Variants in DTNB observed in about 807,000 individuals in gnomAD.
DTNB encodes dystrobrevin beta.
A neutral mutation model predicts 90.7 loss-of-function variants in DTNB; 63 were observed. The observed-to-expected ratio is 0.69, with a 90% CI of 0.57 to 0.86. The LOEUF (loss-of-function observed/expected upper bound fraction) is 0.86. DTNB is among the 40% of genes least tolerant of loss of function. The pLI is 0.00. For synonymous variants in DTNB, 277 were observed against 286.7 expected, an observed-to-expected ratio of 0.97 and a Z score of 0.34; for missense variants, 744 against 807.1, an observed-to-expected ratio of 0.92 and a Z score of 0.95.
rs114749082 is a variant in DTNB, at chr2:25,548,573, G to C, written c.877-16976C>G. Among the ~76,000 whole-genome samples the C allele has an allele frequency of 3.6e-3, 546 of 152,228 alleles. 3 individuals carry two copies. The highest frequency in any genetic ancestry group is 5.9e-3 in the Non-Finnish European group (403 of 68,006). On this transcript the variant is annotated intron_variant, in intron 8 of 20. Coordinates refer to ENST00000406818, the MANE Select transcript of DTNB (RefSeq NM_021907.5). ...AAGAGCAAGTGCGAGGCCCTAAAAT[G>C]CAAGTTTGCCTGGTGTGTTGAAAGA...
At chr2:25,515,145 G>A (rs1301690373) in intron 9 of DTNB, among the ~76,000 whole-genome samples, 1 of 151,582 alleles carries the variant, frequency 6.6e-6, no homozygotes, top group Non-Finnish European at 1.5e-5. Flanking sequence ...AAACACAGAA[G>A]GCAAGAAAAA....
chr2:25,383,031 G>C (rs2038330884), intron 19 of DTNB, among the ~76,000 whole-genome samples: 1 of 152,136 alleles, frequency 6.6e-6, no homozygotes. Flanking sequence ...AGGCACTACT[G>C]TCCTTTGCTG....
intron 16 of DTNB, among the ~76,000 whole-genome samples, chr2:25,402,576 A>G (rs1365450458): frequency 2.0e-5 from 3 of 152,158 alleles, no homozygotes; most frequent in Non-Finnish European, 4.4e-5. Flanking sequence ...GCTAACACAC[A>G]TTTACCTATT....
chr2:25,548,753 T>G (rs997858415), intron 8 of DTNB, among the ~76,000 whole-genome samples: 14 of 152,096 alleles, frequency 9.2e-5, no homozygotes, highest in African/African-American at 3.4e-4. Flanking sequence ...GCTCTTGGAG[T>G]GCATCCAGCA....
At chr2:25,607,529 A>G (rs865999192) in intron 4 of DTNB, among the ~76,000 whole-genome samples, 2 of 151,990 alleles carry the variant, frequency 1.3e-5, no homozygotes, top group South Asian at 4.2e-4. Context: ...AGCTAGCCTG[A>G]ATTTTCTGGA....
chr2:25,513,913 A>G (rs1293354007), intron 9 of DTNB, among the ~76,000 whole-genome samples: 1 of 151,974 alleles, frequency 6.6e-6, no homozygotes, highest in Non-Finnish European at 1.5e-5. Flanking sequence ...TTTAAGATCT[A>G]CTATCTGCCA....
chr2:25,497,020 CCTT>C (rs1327427706), intron 9 of DTNB, among the ~76,000 whole-genome samples: 1 of 152,156 alleles, frequency 6.6e-6, no homozygotes, highest in Non-Finnish European at 1.5e-5. Context: ...TGTAGCAAAG[CCTT>C]CTTCTTTCTC....
chr2:25,449,000 A>G (rs1032956027), intron 12 of DTNB, among the ~76,000 whole-genome samples: 1 of 152,154 alleles, frequency 6.6e-6, no homozygotes, highest in African/African-American at 2.4e-5. Flanking sequence ...ATTTCTAGAA[A>G]CAGCCTCTTA....
chr2:25,450,952 G>A (rs778834383), intron 12 of DTNB, among the ~76,000 whole-genome samples: 3 of 152,016 alleles, frequency 2.0e-5, no homozygotes, highest in Non-Finnish European at 4.4e-5. Context: ...CTACAGGTGC[G>A]TGCTACCACA....
chr2:25,668,251 T>C (rs2084980210), intron 1 of DTNB, among the ~76,000 whole-genome samples: 1 of 150,994 alleles, frequency 6.6e-6, no homozygotes, highest in South Asian at 2.1e-4. Flanking sequence ...AAAATAAAAA[T>C]AAAAAAAAGA....
At chr2:25,655,434 C>T (rs2081882379) in intron 1 of DTNB, among the ~76,000 whole-genome samples, 1 of 152,104 alleles carries the variant, frequency 6.6e-6, no homozygotes, top group Admixed American at 6.6e-5. Context: ...CATTGATTCA[C>T]CAACACAGTA....
At chr2:25,445,920 GTT>G (rs11453188) in intron 12 of DTNB, among the ~76,000 whole-genome samples, 18 of 137,052 alleles carry the variant, frequency 1.3e-4, no homozygotes, top group Admixed American at 2.2e-4. Flanking sequence ...ACCCTGGGTA[GTT>G]TTTTTTTTTT....
At chr2:25,651,886 G>A (rs950762375) in intron 2 of DTNB, among the ~76,000 whole-genome samples, 1 of 152,176 alleles carries the variant, frequency 6.6e-6, no homozygotes, top group African/African-American at 2.4e-5. Context: ...GGGAAAAAAA[G>A]AGTACAGTAC....
intron 18 of DTNB, among the ~76,000 whole-genome samples, chr2:25,384,512 C>T (rs1246210579): frequency 6.6e-6 from 1 of 152,102 alleles, no homozygotes; most frequent in Non-Finnish European, 1.5e-5. Flanking sequence ...GAATAGGAGC[C>T]TTGGAAAATG....
At chr2:25,516,903 TA>T (rs1177439169) in intron 9 of DTNB, among the ~76,000 whole-genome samples, 1 of 151,652 alleles carries the variant, frequency 6.6e-6, no homozygotes, top group South Asian at 2.1e-4. Flanking sequence ...AAAAAAAAAA[TA>T]AAAAAGTTAA....
intron 16 of DTNB, among the ~76,000 whole-genome samples, chr2:25,390,021 G>A (rs1253706096): frequency 6.6e-6 from 1 of 151,974 alleles, no homozygotes; most frequent in East Asian, 1.9e-4. Context: ...CAATATTTTT[G>A]TCCACCAGTT....
chr2:25,508,598 G>C (rs1198174692), intron 9 of DTNB, among the ~76,000 whole-genome samples: 1 of 139,750 alleles, frequency 7.2e-6, no homozygotes, highest in East Asian at 2.3e-4. Flanking sequence ...GCAACGTCAT[G>C]ATCTTGGCTC....
intron 7 of DTNB, among the ~76,000 whole-genome samples, chr2:25,579,188 C>T (rs1002667106): frequency 2.0e-5 from 3 of 152,098 alleles, no homozygotes; most frequent in African/African-American, 7.2e-5. Context: ...CATAAAACTA[C>T]TAAAACACTT....
intron 2 of DTNB, among the ~76,000 whole-genome samples, chr2:25,640,181 T>C (rs1447809238): frequency 6.6e-6 from 1 of 152,230 alleles, no homozygotes; most frequent in African/African-American, 2.4e-5. Context: ...CATTTTGTTC[T>C]CATTTTAATT....
Sources: gnomAD v4.1 joint callset for allele counts (sites outside exome capture counted in the v4.1 genomes callset) on GRCh38, gnomAD v4.1.1 for gene constraint, MANE v1.5 for transcripts, NCBI Gene and HGNC (gene_info 2026-07-23, HGNC 2026-07-21) for gene names.